The following ADGRL3 variants were observed in gnomAD, a reference collection of about 807,000 sequenced individuals.
ADGRL3 encodes adhesion G protein-coupled receptor L3.
In ADGRL3, 62 loss-of-function variants were observed where a neutral mutation model predicts 153.5. The ratio of observed to expected loss-of-function variants is 0.40; its 90% CI spans 0.33 to 0.50. The LOEUF is 0.50. Among genes scored for constraint, ADGRL3 ranks in the 20% least tolerant of loss-of-function variants. ADGRL3 has a pLI of 0.47. For synonymous variants in ADGRL3, 710 were observed against 672.5 expected (o/e 1.06, Z -0.86); for missense variants, 1,641 against 1,859.4 (o/e 0.88, Z 2.16).
At chr4:62,053,233 T>A (rs1735147694) in intron 25 of ADGRL3, among the ~76,000 whole-genome samples, 1 of 151,434 alleles carries the variant, frequency 6.6e-6, no homozygotes, top group Non-Finnish European at 1.5e-5. Context: ...GAAAGGAGGA[T>A]ATATGTTTAG....
rs148829778 is a variant in ADGRL3 at position 61,580,016 on chromosome 4, C to T, written c.260-7211C>T. ...AAATGTGTTGGCATGTAAAATGACA[C>T]GGAGAAAATACATGTATTTAAGAAA... is the stretch of plus-strand genomic sequence containing the variant. On this transcript the variant is annotated intron_variant, in intron 4 of 26. Coordinates refer to ENST00000683033, the MANE Select transcript of ADGRL3 (RefSeq NM_001387552.1). 4.6e-5 allele frequency among the ~76,000 whole-genome samples: 7 copies of T among 152,062 alleles called. No homozygotes were observed. The East Asian group carries it at 7.8e-4, about 17-fold the overall frequency.
intron 8 of ADGRL3, among the ~76,000 whole-genome samples, chr4:61,769,197 G>A (rs1203975690): frequency 1.3e-5 from 2 of 152,084 alleles, no homozygotes; most frequent in South Asian, 2.1e-4. Flanking sequence ...CCAAGGGAAG[G>A]CTGCCTTCCC....
chr4:62,051,775 A>G (rs77917347), intron 25 of ADGRL3, among the ~76,000 whole-genome samples: 18 of 151,882 alleles, frequency 1.2e-4, no homozygotes, highest in Non-Finnish European at 2.5e-4. Flanking sequence ...TCTTACCTCT[A>G]TTGTGAATCA....
intron 1 of ADGRL3, among the ~76,000 whole-genome samples, chr4:61,203,453 G>T (rs1735757411): frequency 6.6e-6 from 1 of 152,162 alleles, no homozygotes; most frequent in Non-Finnish European, 1.5e-5. Flanking sequence ...GAAGTATAAG[G>T]CTTCTTGCAC....
At chr4:61,276,602 T>G (rs2149893508) in intron 1 of ADGRL3, among the ~76,000 whole-genome samples, 1 of 152,296 alleles carries the variant, frequency 6.6e-6, no homozygotes, top group South Asian at 2.1e-4. Flanking sequence ...GAATCCTTTC[T>G]GTACATTTCT....
In ADGRL3 at chr4:62,044,647, A is replaced by G. The variant is rs28544383; in HGVS notation, c.3814+98A>G. 8.5e-3 allele frequency: 6,210 copies of G among 729,514 alleles called. 277 individuals are homozygous for G. The African/African-American group carries it at 0.098, about 11-fold the overall frequency. 45.2% of individuals were successfully genotyped at this position (729,514 alleles called of 1,614,324 possible). A position where few individuals can be genotyped will look rare whatever the true frequency, so the allele number is the denominator to read the frequency against. On this transcript the variant is annotated intron_variant, in intron 25 of 26. Coordinates refer to ENST00000683033, the MANE Select transcript of ADGRL3 (RefSeq NM_001387552.1). ...TTTGCAACTTCTGAACCTGTTCCACATGATAGAAACATTGTAAGAACATAA... is the reference window on the plus strand; with the variant it reads ...TTTGCAACTTCTGAACCTGTTCCACGTGATAGAAACATTGTAAGAACATAA...
intron 1 of ADGRL3, among the ~76,000 whole-genome samples, chr4:61,286,686 T>A (rs2093953707): frequency 4.6e-5 from 7 of 151,668 alleles, no homozygotes; most frequent in Admixed American, 4.0e-4. Context: ...GAGATAAACC[T>A]AGTGGATAGT....
At chr4:61,270,850 C>CCTGATACTGT (rs1357560630) in intron 1 of ADGRL3, among the ~76,000 whole-genome samples, 1 of 151,492 alleles carries the variant, frequency 6.6e-6, no homozygotes, top group African/African-American at 2.4e-5. Flanking sequence ...TTTTGGAAGA[C>CCTGATACTGT]CTGATACTGT....
At chr4:61,305,355 C>T (rs1017787095) in intron 1 of ADGRL3, among the ~76,000 whole-genome samples, 2 of 152,062 alleles carry the variant, frequency 1.3e-5, no homozygotes, top group South Asian at 4.1e-4. Flanking sequence ...TTTGTAGCAT[C>T]TTGTACCTCT....
At chr4:61,400,300 C>G (rs2096914800) in intron 2 of ADGRL3, among the ~76,000 whole-genome samples, 2 of 151,784 alleles carry the variant, frequency 1.3e-5, no homozygotes, top group Non-Finnish European at 2.9e-5. Context: ...TCATTTATTA[C>G]TTTACTATAT....
intron 9 of ADGRL3, among the ~76,000 whole-genome samples, chr4:61,851,589 C>CA (rs759990537): frequency 0.047 from 2,596 of 54,742 alleles, 134 homozygotes; most frequent in African/African-American, 0.052. Context: ...GACCATGTCT[C>CA]AAAAAAAAAA....
chr4:61,259,778 T>A (rs2092361979), intron 1 of ADGRL3, among the ~76,000 whole-genome samples: 1 of 152,180 alleles, frequency 6.6e-6, no homozygotes, highest in African/African-American at 2.4e-5. Flanking sequence ...AAATATTCAC[T>A]TTCATTGGAA....
intron 21 of ADGRL3, among the ~76,000 whole-genome samples, chr4:62,000,021 C>T (rs907815306): frequency 2.6e-5 from 4 of 151,980 alleles, no homozygotes; most frequent in African/African-American, 9.7e-5. Flanking sequence ...ATTGAATTTG[C>T]ATAAATTAAA....
intron 1 of ADGRL3, among the ~76,000 whole-genome samples, chr4:61,326,599 ATGTG>A (rs34387631): frequency 0.036 from 5,031 of 140,626 alleles, 169 homozygotes; most frequent in African/African-American, 0.089. Flanking sequence ...ATGCCAGATA[ATGTG>A]TGTGTGTGTG....
chr4:61,413,078 G>A (rs1400620843), intron 2 of ADGRL3, among the ~76,000 whole-genome samples: 1 of 152,148 alleles, frequency 6.6e-6, no homozygotes, highest in Non-Finnish European at 1.5e-5. Flanking sequence ...TCACAGGAAG[G>A]TTAGTTTGTA....
chr4:61,972,276 T>A (rs1034629760), intron 17 of ADGRL3, among the ~76,000 whole-genome samples: 1 of 152,252 alleles, frequency 6.6e-6, no homozygotes, highest in African/African-American at 2.4e-5. Flanking sequence ...TCTTCTAGGG[T>A]TTTTATGGTT....
intron 5 of ADGRL3, among the ~76,000 whole-genome samples, chr4:61,663,676 T>C (rs933685570): frequency 3.9e-5 from 6 of 152,212 alleles, no homozygotes; most frequent in Non-Finnish European, 8.8e-5. Flanking sequence ...GGTTTCTGTA[T>C]GGGAAAGTGA....
intron 4 of ADGRL3, among the ~76,000 whole-genome samples, chr4:61,554,099 C>A (rs1319186775): frequency 1.1e-5 from 1 of 86,962 alleles, no homozygotes; most frequent in Non-Finnish European, 2.3e-5. Context: ...AGGCTTGGGC[C>A]ATTTTTTTTT....
chr4:61,279,516 G>C (rs979856733), intron 1 of ADGRL3, among the ~76,000 whole-genome samples: 2 of 152,074 alleles, frequency 1.3e-5, no homozygotes, highest in African/African-American at 4.8e-5. Flanking sequence ...CAGCATTTAA[G>C]CTCAGACCTA....
Sources: allele counts gnomAD v4.1 joint callset (sites outside exome capture counted in the v4.1 genomes callset), GRCh38; gene constraint gnomAD v4.1.1; transcripts MANE v1.5; gene names NCBI Gene and HGNC (gene_info 2026-07-23, HGNC 2026-07-21).